Variants in RICTOR observed in about 807,000 individuals in gnomAD.
The protein encoded by RICTOR is rapamycin-insensitive companion of mTOR.
In RICTOR, 49 loss-of-function variants were observed where a neutral mutation model predicts 214.9. The ratio of observed to expected loss-of-function variants is 0.23; its 90% CI spans 0.18 to 0.29. The LOEUF (loss-of-function observed/expected upper bound fraction) is 0.29, where lower values mean the gene tolerates loss of function less well. Ranked by LOEUF, RICTOR falls within the 10% of genes least tolerant of loss-of-function variation. RICTOR has a pLI of 1.00. For synonymous variants in RICTOR, 717 were observed against 711.3 expected (o/e 1.01, Z -0.13); for missense variants, 1,625 against 2,047.0 (o/e 0.79, Z 3.98).
At chr5:39,019,271 A>C (rs1755208815) in intron 3 of RICTOR, among the ~76,000 whole-genome samples, 1 of 152,234 alleles carries the variant, frequency 6.6e-6, no homozygotes, top group Non-Finnish European at 1.5e-5. Context: ...AGGTAGCTAC[A>C]CTAAACAACA....
At chr5:39,024,920 G>A (rs556174828) in intron 2 of RICTOR, among the ~76,000 whole-genome samples, 1 of 152,052 alleles carries the variant, frequency 6.6e-6, no homozygotes, top group Non-Finnish European at 1.5e-5. Flanking sequence ...ATTATGATCA[G>A]GTACTGTTTT....
chr5:39,065,538 A>T (rs541754776), intron 2 of RICTOR, among the ~76,000 whole-genome samples: 2 of 152,354 alleles, frequency 1.3e-5, no homozygotes, highest in African/African-American at 4.8e-5. Context: ...GTCTTAACTC[A>T]TTCCAGCATT....
At chr5:38,992,318 G>A (rs937910016) in intron 6 of RICTOR, among the ~76,000 whole-genome samples, 1 of 152,092 alleles carries the variant, frequency 6.6e-6, no homozygotes, top group Non-Finnish European at 1.5e-5. Context: ...CTGGGTGAAA[G>A]AATTCTAACA....
In RICTOR at chr5:38,981,873, T is replaced by C; in HGVS notation, c.747A>G (p.Glu249=). The change falls in exon 8 of 38, where the codon GAA becomes GAG. Residue 249 remains glutamate, a synonymous_variant. Transcript: ENST00000357387. ...AGAATATTAAAGTTCCTACCTCTAA[T>C]TCTACATCAGCTCGCACATACTGTC... ...KTRQYVRADV[E]LERILAPYTD... 1 of 1,606,132 alleles carries C rather than the reference T, an allele frequency of 6.2e-7. No homozygotes were observed.
intron 10 of RICTOR, 30 bp from the exon 11 acceptor site, chr5:38,971,989 C>T (rs772784043): frequency 1.7e-5 from 17 of 1,024,050 alleles, no homozygotes; most frequent in Non-Finnish European, 2.4e-5. Flanking sequence ...AAAAAAATCA[C>T]TGACATGAAT....
Position 38,938,846 on chromosome 5 carries a change from C to T in RICTOR, c.*3458G>A. 1 of 233,086 alleles carries T rather than the reference C, an allele frequency of 4.3e-6. No individual in the cohort carries two copies. The highest frequency in any genetic ancestry group is 6.1e-5 in the East Asian group (1 of 16,412). 14.4% of individuals were successfully genotyped at this position (233,086 alleles called of 1,614,324 possible). On this transcript the variant is annotated 3_prime_UTR_variant, in exon 38 of 38. Coordinates refer to ENST00000357387, the MANE Select transcript of RICTOR (RefSeq NM_152756.5). ...GAGACAATGGAGACTTCCTAACTTA[C>T]ATTTTGGAAAATCTGAAATGTTGGT...
At chr5:38,995,558 T>A (rs1015178565) in intron 6 of RICTOR, among the ~76,000 whole-genome samples, 1 of 152,008 alleles carries the variant, frequency 6.6e-6, no homozygotes. Context: ...CCAAAAATTA[T>A]TGAAAAAATA....
intron 37 of RICTOR, 74 bp from the exon 38 acceptor site, chr5:38,942,452 A>ATTTTTT: frequency 5.3e-6 from 3 of 564,332 alleles, no homozygotes; most frequent in East Asian, 3.7e-5. Flanking sequence ...TAAATATCTA[A>ATTTTTT]TTTTTTTTTT....
Position 38,942,295 on chromosome 5 carries a change from A to G in RICTOR, c.*9T>C, listed in dbSNP as rs1484974578. 2 of 1,543,420 alleles carry G rather than the reference A, an allele frequency of 1.3e-6. No homozygotes were observed. The highest frequency in any genetic ancestry group is 3.3e-5 in the Admixed American group (2 of 59,732). On this transcript the variant is annotated 3_prime_UTR_variant, in exon 38 of 38. Transcript: ENST00000357387. ...ATAGTATGTATCTATATCCATCATA[A>G]ATATGAGGTCAGGATTCAGCAGATG... is the stretch of plus-strand genomic sequence containing the variant.
intron 36 of RICTOR, chr5:38,944,144 T>C: frequency 2.2e-6 from 1 of 461,452 alleles, no homozygotes; most frequent in Non-Finnish European, 4.2e-6. Context: ...TAAAAATAAC[T>C]GTATTTTCCA....
Position 38,950,145 on chromosome 5 carries a change from T to G in RICTOR, c.3703A>C (p.Ser1235Arg). Residue 1235 changes from serine (S) to arginine (R), a missense_variant, in exon 31 of 38, where the codon AGT becomes CGT. By Grantham distance (110) the Ser-to-Arg change is moderately radical. Transcript: ENST00000357387. ...ACACCTACTGTCTCTCGTGAAGGAC[T>G]TGAGCTCATTGAACTTATGCCACTT... is the stretch of plus-strand genomic sequence containing the variant. ...TTSGISSMSS[S>R]PSRETVGVDA... The G allele has an allele frequency of 6.2e-7, 1 of 1,613,430 alleles. No homozygotes were observed. Among genetic ancestry groups the G allele is most frequent in the Non-Finnish European group, 8.5e-7 (1 of 1,179,602 alleles).
intron 8 of RICTOR, chr5:38,981,514 A>G (rs1490270214): frequency 6.1e-6 from 1 of 164,752 alleles, no homozygotes; most frequent in Admixed American, 6.3e-5. Context: ...TAAATATTGT[A>G]TAATTAGCAG....
In RICTOR at chr5:39,005,530, A is replaced by G. The variant is rs189758638; in HGVS notation, c.196-1908T>C. 7.2e-5 allele frequency among the ~76,000 whole-genome samples: 11 copies of G among 152,224 alleles called. No homozygotes were observed. The East Asian group carries it at 1.5e-3, about 21-fold the overall frequency. ...TTCCAATGTGCTAATGAAATTCTTC[A>G]TTTCACATCAATTTTCTCCATACGT... On this transcript the variant is annotated intron_variant, in intron 3 of 37. Coordinates refer to ENST00000357387, the MANE Select transcript of RICTOR (RefSeq NM_152756.5).
chr5:39,069,122 A>C (rs1182932393), intron 2 of RICTOR, among the ~76,000 whole-genome samples: 3 of 152,236 alleles, frequency 2.0e-5, no homozygotes, highest in Non-Finnish European at 4.4e-5. Flanking sequence ...GTGGAACTTA[A>C]AAATGCCCAT....
chr5:39,037,469 G>C (rs945216400), intron 2 of RICTOR, among the ~76,000 whole-genome samples: 19 of 151,988 alleles, frequency 1.3e-4, no homozygotes, highest in Admixed American at 1.2e-3. Context: ...ACTAAGATCA[G>C]AGCAGAACTG....
chr5:39,002,386 G>GTT (rs1311369219), intron 5 of RICTOR, 149 bp downstream of exon 5: 10 of 433,798 alleles, frequency 2.3e-5, no homozygotes, highest in African/African-American at 1.9e-4. Flanking sequence ...ACTTGGTTGT[G>GTT]TGTGTGTGTG....
At chr5:38,966,537 A>C (rs1284109185) in intron 15 of RICTOR, 104 bp downstream of exon 15, 6 of 677,492 alleles carry the variant, frequency 8.9e-6, no homozygotes, top group Non-Finnish European at 1.5e-5. Flanking sequence ...AAGAAATGCA[A>C]ATTTATTTTT....
At chr5:39,061,609 AT>A (rs1561077988) in intron 2 of RICTOR, among the ~76,000 whole-genome samples, 1 of 151,654 alleles carries the variant, frequency 6.6e-6, no homozygotes, top group Admixed American at 6.6e-5. Flanking sequence ...AGGTAATTAC[AT>A]TTTTTCTCGG....
chr5:39,011,201 G>A (rs911643712), intron 3 of RICTOR, among the ~76,000 whole-genome samples: 18 of 152,206 alleles, frequency 1.2e-4, no homozygotes, highest in Admixed American at 1.0e-3. Flanking sequence ...CAGAGCTCAG[G>A]CTGTTGCTTC....
Sources: allele counts gnomAD v4.1 joint callset (sites outside exome capture counted in the v4.1 genomes callset), GRCh38; gene constraint gnomAD v4.1.1; transcripts MANE v1.5; gene names NCBI Gene and HGNC (gene_info 2026-07-23, HGNC 2026-07-21).